Variants in RTN4 observed in about 807,000 individuals in gnomAD.
The protein encoded by RTN4 is reticulon-4.
RTN4 carries 32 observed loss-of-function variants against 90.4 expected under a neutral mutation model. That is an observed-to-expected ratio of 0.35 (90% CI 0.27 to 0.48). The LOEUF (loss-of-function observed/expected upper bound fraction) is 0.48, where lower values mean the gene tolerates loss of function less well. Among genes scored for constraint, RTN4 ranks in the 20% least tolerant of loss-of-function variants. RTN4 has a pLI of 0.99. For missense variants in RTN4, 1,706 were observed against 1,430.2 expected (o/e 1.19, Z -3.11); for synonymous variants, 629 against 552.5 (o/e 1.14, Z -1.94).
Position 55,091,779 on chromosome 2 carries a change from G to C in RTN4, c.-213-11140C>G, listed in dbSNP as rs151328417. ...TTTAGTTGGACTTACAGTTCCACAT[G>C]GCTGGGGAGGCCTCAGAATCATGGC... On this transcript the variant is annotated intron_variant, in intron 1 of 3. Transcript: ENST00000427710. Among the ~76,000 whole-genome samples, 4 of 152,150 alleles carry C rather than the reference G, an allele frequency of 2.6e-5. No individual in the cohort carries two copies. The East Asian group carries it at 7.7e-4, about 29-fold the overall frequency.
At chr2:55,049,363 C>A (rs1667963473) in intron 1 of RTN4, among the ~76,000 whole-genome samples, 2 of 152,180 alleles carry the variant, frequency 1.3e-5, no homozygotes, top group South Asian at 4.1e-4. Context: ...GGTGCCAAGG[C>A]CTTTCCTTCC....
chr2:54,998,407 T>C (rs936395169), intron 3 of RTN4, among the ~76,000 whole-genome samples: 3 of 152,212 alleles, frequency 2.0e-5, no homozygotes, highest in Non-Finnish European at 4.4e-5. Flanking sequence ...AAATTTTCAA[T>C]ATTACTGTTG....
At chr2:55,104,462 T>G (rs1667907370) in intron 1 of RTN4, among the ~76,000 whole-genome samples, 1 of 152,068 alleles carries the variant, frequency 6.6e-6, no homozygotes, top group East Asian at 1.9e-4. Context: ...ATGATTCTCG[T>G]GCTTCAGCCT....
upstream of RTN4, among the ~76,000 whole-genome samples, chr2:55,116,858 T>C (rs1008895416): frequency 1.7e-4 from 25 of 143,010 alleles, no homozygotes; most frequent in African/African-American, 6.2e-4. Context: ...AGCTGTTTCT[T>C]TTTCTTTCTT....
the RTN4 span, among the ~76,000 whole-genome samples, chr2:55,133,167 C>T: frequency 3.0e-3 from 457 of 152,128 alleles, 2 homozygotes; most frequent in Middle Eastern, 0.014. Flanking sequence ...GCTGAGATCA[C>T]GCCACAGCAC....
At chr2:55,049,683 G>A (rs1273505253) in intron 1 of RTN4, 62 bp downstream of exon 1, 1 of 1,479,200 alleles carries the variant, frequency 6.8e-7, no homozygotes, top group Non-Finnish European at 9.0e-7. Context: ...AGCATCTGGG[G>A]CTGCACACAA....
intron 5 of RTN4, among the ~76,000 whole-genome samples, chr2:54,976,585 T>C (rs1422509981): frequency 2.0e-5 from 3 of 152,334 alleles, no homozygotes; most frequent in East Asian, 3.9e-4. Context: ...TTTTTAAATG[T>C]TGCAGCTATG....
At chr2:55,010,020 C>T (rs1160558306) in intron 3 of RTN4, 1 of 1,546,686 alleles carries the variant, frequency 6.5e-7, no homozygotes, top group East Asian at 2.2e-5. Flanking sequence ...AATTCCAAAG[C>T]TTATTCATAG....
intron 1 of RTN4, among the ~76,000 whole-genome samples, chr2:55,107,064 A>G (rs1487333064): frequency 1.3e-5 from 2 of 152,120 alleles, no homozygotes; most frequent in Non-Finnish European, 2.9e-5. Flanking sequence ...AATAAAAACA[A>G]AATTGGTGAC....
chr2:55,135,427 A>G, the RTN4 span, among the ~76,000 whole-genome samples: 1 of 152,078 alleles, frequency 6.6e-6, no homozygotes. Flanking sequence ...GGCTGGTCTC[A>G]AACTCCTGGT....
At position 55,016,810 on chromosome 2, in the gene RTN4, C is replaced by A. The variant is rs115456133; in HGVS notation, c.3013+8276G>T. On this transcript the variant is annotated intron_variant, in intron 3 of 8. Transcript: ENST00000337526. The stretch of plus-strand genomic sequence containing the variant: ...AGTTATCAAGTCCTTAGAAAAAATC[C>A]TTATTACTAAAATATTGAAGCTCAA... Among the ~76,000 whole-genome samples, 768 of 152,186 alleles carry A rather than the reference C, an allele frequency of 5.0e-3. 5 individuals carry two copies. The highest frequency in any genetic ancestry group is 0.017 in the African/African-American group (717 of 41,524).
At chr2:54,985,169 TTTTTTTTTTTG>T in intron 4 of RTN4, among the ~76,000 whole-genome samples, 1 of 142,708 alleles carries the variant, frequency 7.0e-6, no homozygotes, top group Admixed American at 7.1e-5. Flanking sequence ...TTTTTTTTTT[TTTTTTTTTTTG>T]AAAGAGTCTC....
At chr2:55,080,906 T>A (rs1196370634) in intron 1 of RTN4, among the ~76,000 whole-genome samples, 1 of 152,214 alleles carries the variant, frequency 6.6e-6, no homozygotes, top group African/African-American at 2.4e-5. Flanking sequence ...GAATGCGCAA[T>A]CTTTATCTTT....
chr2:55,026,457 C>T lies in RTN4; in HGVS notation c.1642G>A (p.Glu548Lys). Residue 548 changes from glutamate (E) to lysine (K), a missense_variant, in exon 3 of 9, where the codon GAA becomes AAA. Coordinates refer to ENST00000337526, the MANE Select transcript of RTN4 (RefSeq NM_020532.5). ...VTEEVVANMP[E>K]GLTPDLVQEA... The stretch of plus-strand genomic sequence containing the variant: ...TGTACTAAATCTGGAGTCAGGCCTT[C>T]AGGCATGTTTGCCACGACTTCCTCA... The T allele has an allele frequency of 1.2e-6, 2 of 1,613,932 alleles. No individual in the cohort carries two copies. Among genetic ancestry groups the T allele is most frequent in the Admixed American group, 1.7e-5 (1 of 59,950 alleles).
chr2:55,115,459 T>C (rs529004230), upstream of RTN4, among the ~76,000 whole-genome samples: 3 of 152,100 alleles, frequency 2.0e-5, no homozygotes, highest in East Asian at 3.9e-4. Flanking sequence ...TCTATATATA[T>C]AGGTAACAGG....
chr2:55,096,300 T>C (rs565388364), intron 1 of RTN4, among the ~76,000 whole-genome samples: 8 of 151,270 alleles, frequency 5.3e-5, no homozygotes, highest in African/African-American at 1.7e-4. Flanking sequence ...CACTCCAGCC[T>C]GGGCAACAAG....
At chr2:55,107,183 G>A (rs543150229) in intron 1 of RTN4, among the ~76,000 whole-genome samples, 1 of 151,564 alleles carries the variant, frequency 6.6e-6, no homozygotes, top group South Asian at 2.1e-4. Flanking sequence ...TGTTGAGTGA[G>A]TTTTGTTTAG....
At chr2:54,983,476 T>G (rs1479884333) in intron 4 of RTN4, among the ~76,000 whole-genome samples, 1 of 152,184 alleles carries the variant, frequency 6.6e-6, no homozygotes, top group Non-Finnish European at 1.5e-5. Flanking sequence ...GAGTGTTCCC[T>G]CGTATCTGTT....
At chr2:55,095,631 G>A (rs190242691) in intron 1 of RTN4, among the ~76,000 whole-genome samples, 5 of 152,128 alleles carry the variant, frequency 3.3e-5, no homozygotes, top group East Asian at 1.9e-4. Flanking sequence ...CTCCCACCTC[G>A]GCACTCCCTA....
Sources: gnomAD v4.1 joint callset for allele counts (sites outside exome capture counted in the v4.1 genomes callset) on GRCh38, gnomAD v4.1.1 for gene constraint, MANE v1.5 for transcripts, NCBI Gene and HGNC (gene_info 2026-07-23, HGNC 2026-07-21) for gene names.